The following MSN variants were observed in gnomAD, a reference collection of about 807,000 sequenced individuals.
The protein encoded by MSN is moesin, also known as epididymis luminal protein 70.
A neutral mutation model predicts 48.0 loss-of-function variants in MSN; 2 were observed. The ratio of observed to expected loss-of-function variants is 0.04; its 90% CI spans 0.02 to 0.13. The LOEUF (loss-of-function observed/expected upper bound fraction) is 0.13. Ranked by LOEUF, MSN falls within the 10% of genes least tolerant of loss-of-function variation. MSN has a pLI of 1.00. For synonymous variants in MSN, 146 were observed against 166.9 expected (o/e 0.87, Z 0.97); for missense variants, 267 against 470.1 (o/e 0.57, Z 3.99).
chrX:65,607,380 C>T (rs1311067888), intron 1 of MSN, among the ~76,000 whole-genome samples: 3 of 111,448 alleles, frequency 2.7e-5, no homozygotes, highest in Non-Finnish European at 3.8e-5. Flanking sequence ...GAGAAAACTC[C>T]CAGCCTACAC....
chrX:65,653,473 G>T (rs1426007983), intron 1 of MSN, among the ~76,000 whole-genome samples: 2 of 110,982 alleles, frequency 1.8e-5, no homozygotes, highest in Non-Finnish European at 3.8e-5. Context: ...AATGTGTTCT[G>T]GTCTGAGACT....
At chrX:65,728,586 C>T (rs1249644666) in intron 3 of MSN, among the ~76,000 whole-genome samples, 3 of 111,167 alleles carry the variant, frequency 2.7e-5, no homozygotes, top group Non-Finnish European at 5.7e-5. Context: ...AGCTACTGAG[C>T]TTGGCTGGGG....
At chrX:65,609,166 A>G (rs949366504) in intron 1 of MSN, among the ~76,000 whole-genome samples, 3 of 106,225 alleles carry the variant, frequency 2.8e-5, no homozygotes, top group African/African-American at 1.0e-4. Context: ...GGAGTAGGGA[A>G]GGGAAGAGAT....
At chrX:65,674,380 A>G (rs2070974999) in intron 1 of MSN, among the ~76,000 whole-genome samples, 3 of 111,927 alleles carry the variant, frequency 2.7e-5, no homozygotes, top group Non-Finnish European at 5.6e-5. Flanking sequence ...TGGCTGTCTT[A>G]GAAGGATGAC....
At position 65,737,189 on chromosome X, in the gene MSN, C is replaced by G; in HGVS notation, c.1102C>G (p.Gln368Glu). The change falls in exon 10 of 13, where the codon CAG becomes GAG. Residue 368 changes from glutamine (Q) to glutamate (E), a missense_variant. Around this residue, in one of 5 missense-constraint regions of MSN, gnomAD observed 70 missense variants for 76.3 expected, o/e 0.92. Transcript: ENST00000360270. The part of the protein sequence containing the change: ...TKKAQQELEE[Q>E]TRRALELEQE... The stretch of plus-strand genomic sequence containing the variant: ...CCTTTTCTGCTCAGAACTGGAAGAA[C>G]AGACCCGTAGGGCTCTGGAACTTGA... The G allele has an allele frequency of 8.3e-7, 1 of 1,205,091 alleles. No homozygotes were observed. Among genetic ancestry groups the G allele is most frequent in the African/African-American group, 1.7e-5 (1 of 57,616 alleles).
At chrX:65,649,032 G>A (rs1264520266) in intron 1 of MSN, among the ~76,000 whole-genome samples, 2 of 109,880 alleles carry the variant, frequency 1.8e-5, no homozygotes, top group African/African-American at 6.5e-5. Flanking sequence ...CCTGAATCTA[G>A]GCTGGGATGC....
At chrX:65,696,979 G>A (rs2071249337) in intron 1 of MSN, among the ~76,000 whole-genome samples, 1 of 110,651 alleles carries the variant, frequency 9.0e-6, no homozygotes, top group African/African-American at 3.3e-5. Flanking sequence ...TTCCAGGAAG[G>A]CGGTCATACA....
intron 1 of MSN, among the ~76,000 whole-genome samples, chrX:65,614,269 T>C (rs965162596): frequency 1.2e-3 from 136 of 112,177 alleles, no homozygotes; most frequent in African/African-American, 4.1e-3. Context: ...TTTTGGTTAC[T>C]GTAGCCTGGT....
chrX:65,703,297 GTC>G (rs1480886423), intron 1 of MSN, among the ~76,000 whole-genome samples: 5 of 110,785 alleles, frequency 4.5e-5, no homozygotes, highest in Non-Finnish European at 9.4e-5. Context: ...TGTCAAACAT[GTC>G]TGTTATGTTA....
Position 65,738,584 on chromosome X carries a change from G to T in MSN, c.1311G>T (p.Lys437Asn). The T allele has an allele frequency of 3.3e-6, 4 of 1,209,637 alleles. No homozygotes were observed. ...RISQLEMARQ[K>N]KESEAVEWQQ... The stretch of plus-strand genomic sequence containing the variant: ...CCCAGCTGGAGATGGCCCGACAGAA[G>T]AAGGAGAGTGAGGCTGTGGAGTGGC... Residue 437 changes from lysine (K) to asparagine (N), a missense_variant, in exon 11 of 13, where the codon AAG (lysine) becomes AAT (asparagine). By Grantham distance (94) the Lys-to-Asn change is moderately conservative (BLOSUM62 0). Transcript: ENST00000360270.
chrX:65,684,196 C>A (rs1212690917), intron 1 of MSN, among the ~76,000 whole-genome samples: 3 of 111,257 alleles, frequency 2.7e-5, no homozygotes, highest in Non-Finnish European at 5.7e-5. Flanking sequence ...CCTGCCTCGG[C>A]CTCCCAAAGT....
chrX:65,657,223 C>T (rs1015048227), intron 1 of MSN, among the ~76,000 whole-genome samples: 3 of 111,657 alleles, frequency 2.7e-5, no homozygotes, highest in South Asian at 3.8e-4. Flanking sequence ...CAAAAGACGA[C>T]GCCAACAGCA....
intron 1 of MSN, among the ~76,000 whole-genome samples, chrX:65,647,280 C>T (rs1312947820): frequency 1.9e-5 from 2 of 103,916 alleles, no homozygotes; most frequent in African/African-American, 3.6e-5. Flanking sequence ...GGCGTGATCT[C>T]GGCTCACTGC....
chrX:65,656,524 G>A (rs1466602487), intron 1 of MSN, among the ~76,000 whole-genome samples: 1 of 111,393 alleles, frequency 9.0e-6, no homozygotes, highest in African/African-American at 3.3e-5. Flanking sequence ...TGAGCTCCAA[G>A]GTTATGCCTA....
chrX:65,640,513 C>T (rs1167646663), intron 1 of MSN, among the ~76,000 whole-genome samples: 2 of 112,092 alleles, frequency 1.8e-5, no homozygotes. Flanking sequence ...CATTGCACTC[C>T]AGCCTGAGCA....
intron 1 of MSN, among the ~76,000 whole-genome samples, chrX:65,651,139 G>A: frequency 1.8e-5 from 2 of 110,385 alleles, no homozygotes; most frequent in Middle Eastern, 9.3e-3. Flanking sequence ...GAAAATTAGA[G>A]GCCGGGTGCA....
At position 65,722,577 on chromosome X, in the gene MSN, C is replaced by T. The variant is rs1005136441; in HGVS notation, c.97-5237C>T. On this transcript the variant is annotated intron_variant, in intron 2 of 12. Coordinates refer to ENST00000360270, the MANE Select transcript of MSN (RefSeq NM_002444.3). The stretch of plus-strand genomic sequence containing the variant: ...GTAGCTGGGACCACAGGTGCCCACA[C>T]CAGCTATCTTTTTGTATTTTTAGTA... Among the ~76,000 whole-genome samples the T allele has an allele frequency of 2.0e-4, 22 of 110,205 alleles. 1 individual carries two copies. The highest frequency in any genetic ancestry group is 2.5e-4 in the Non-Finnish European group (13 of 52,793).
rs2071720334 is a variant in MSN at position 65,740,048 on chromosome X, C to T, written c.*155C>T. The T allele has an allele frequency of 3.9e-6, 2 of 510,740 alleles. No individual in the cohort carries two copies. The highest frequency in any genetic ancestry group is 4.7e-5 in the African/African-American group (2 of 42,201). 42.1% of individuals were successfully genotyped at this position (510,740 alleles called of 1,213,427 possible). A position where few individuals can be genotyped will look rare whatever the true frequency, so the allele number is the denominator to read the frequency against. ...ATGTAGCCATGGGACCAAACCTAGC[C>T]CCTTAGCCCCCACCCACTTCCCTGG... On this transcript the variant is annotated 3_prime_UTR_variant, in exon 13 of 13. Transcript: ENST00000360270.
At chrX:65,622,660 G>A (rs188155608) in intron 1 of MSN, among the ~76,000 whole-genome samples, 4 of 108,815 alleles carry the variant, frequency 3.7e-5, no homozygotes, top group Admixed American at 2.0e-4. Context: ...GGGATTACAG[G>A]TGCACACCCC....
Sources: gnomAD v4.1 joint callset for allele counts (sites outside exome capture counted in the v4.1 genomes callset) on GRCh38, gnomAD v4.1.1 for gene constraint, gnomAD v4.1.1 regional missense constraint, MANE v1.5 for transcripts, NCBI Gene and HGNC (gene_info 2026-07-23, HGNC 2026-07-21) for gene names.